NLGN1: variants seen among roughly 807,000 people sequenced by gnomAD.
The protein encoded by NLGN1 is neuroligin 1, also known as neuroligin-1.
NLGN1 carries 12 observed loss-of-function variants against 65.5 expected under a neutral mutation model. The ratio of observed to expected loss-of-function variants is 0.18; its 90% confidence interval spans 0.12 to 0.30. The LOEUF is 0.30. NLGN1 is among the 10% of genes least tolerant of loss of function. The probability of loss-of-function intolerance (pLI) is 1.00; values close to 1 mark genes in which losing one functional copy is unlikely to be tolerated. For synonymous variants in NLGN1, 350 were observed against 359.5 expected (o/e 0.97, Z 0.30); for missense variants, 750 against 1,007.1 (o/e 0.74, Z 3.46).
At chr3:173,562,437 C>T (rs777078090) in intron 2 of NLGN1, among the ~76,000 whole-genome samples, 13 of 151,784 alleles carry the variant, frequency 8.6e-5, no homozygotes, top group Non-Finnish European at 1.3e-4. Flanking sequence ...TATGGTGGTG[C>T]GCACCTGTAG....
chr3:173,466,428 G>A (rs1270226865), intron 2 of NLGN1, among the ~76,000 whole-genome samples: 1 of 152,144 alleles, frequency 6.6e-6, no homozygotes, highest in African/African-American at 2.4e-5. Context: ...TTCCTGTACT[G>A]TAGCCAATTT....
At chr3:173,914,119 C>G (rs756724296) in intron 4 of NLGN1, among the ~76,000 whole-genome samples, 1 of 152,152 alleles carries the variant, frequency 6.6e-6, no homozygotes. Flanking sequence ...GGCTGTGGTT[C>G]TGCCTCCCTA....
intron 4 of NLGN1, among the ~76,000 whole-genome samples, chr3:174,164,000 A>G (rs6445146): frequency 0.16 from 23,641 of 151,996 alleles, 3,586 homozygotes; most frequent in African/African-American, 0.4. Flanking sequence ...GTTCTTTAGA[A>G]ATCTCCAATC....
At position 174,279,604 on chromosome 3, in the gene NLGN1, C is replaced by T. The variant is rs1561465703; in HGVS notation, c.1603C>T (p.Leu535=). The change falls in exon 6 of 7, where the codon CTG becomes TTG. Residue 535 remains leucine, a synonymous_variant. Transcript: ENST00000457714. This position sits in a 1 kb window ranked among gnomAD's most constrained non-coding sequence, Gnocchi z 4.7. ...CAATTTCTCCAAAAATGATGTGATG[C>T]TGAGTGCAGTTGTAATGACATACTG... The T allele has an allele frequency of 6.2e-7, 1 of 1,612,912 alleles. No homozygotes were observed. Among genetic ancestry groups the T allele is most frequent in the East Asian group, 2.2e-5 (1 of 44,828 alleles).
At chr3:174,029,078 C>T (rs1441825729) in intron 4 of NLGN1, among the ~76,000 whole-genome samples, 1 of 152,200 alleles carries the variant, frequency 6.6e-6, no homozygotes, top group Non-Finnish European at 1.5e-5. Context: ...GGGGTTAGAG[C>T]CCCCATACAG....
chr3:174,214,519 T>C (rs748815120), intron 4 of NLGN1, among the ~76,000 whole-genome samples: 1 of 152,222 alleles, frequency 6.6e-6, no homozygotes. Flanking sequence ...CCTTTAAGAA[T>C]GGACCCATAT....
Position 173,746,528 on chromosome 3 carries a change from T to TCTACACTAGCTGATTCTGA in NLGN1, c.494-61149_494-61148insCACTAGCTGATTCTGACTA, listed in dbSNP as rs569933906. 6.6e-3 allele frequency among the ~76,000 whole-genome samples: 999 copies of TCTACACTAGCTGATTCTGA among 151,706 alleles called. 11 individuals carry two copies. The highest frequency in any genetic ancestry group is 0.021 in the African/African-American group (851 of 41,130). Reference sequence around the variant, plus strand: ...GTATCAGGACTTCCTTGCTGTTTCCTCTAATGAGTCAGAATTCGAGTCTGA... The same window carrying TCTACACTAGCTGATTCTGA: ...GTATCAGGACTTCCTTGCTGTTTCCTCTACACTAGCTGATTCTGACTAATGAGTCAGAATTCGAGTCTGA... On this transcript the variant is annotated intron_variant, in intron 3 of 6. Coordinates refer to ENST00000457714, the Ensembl canonical transcript of NLGN1.
At chr3:174,102,552 A>G (rs1479251253) in intron 4 of NLGN1, among the ~76,000 whole-genome samples, 1 of 152,192 alleles carries the variant, frequency 6.6e-6, no homozygotes, top group South Asian at 2.1e-4. Context: ...TGAGAGCCGT[A>G]TTCAAATGCT....
intron 3 of NLGN1, among the ~76,000 whole-genome samples, chr3:173,687,380 A>G (rs1371692154): frequency 6.6e-6 from 1 of 152,230 alleles, no homozygotes; most frequent in Non-Finnish European, 1.5e-5. Context: ...CTTCACTAGA[A>G]GATGGATAAA....
intron 2 of NLGN1, among the ~76,000 whole-genome samples, chr3:173,578,813 A>G (rs1745944451): frequency 6.6e-6 from 1 of 152,208 alleles, no homozygotes; most frequent in African/African-American, 2.4e-5. Context: ...GGGTCAGCGT[A>G]AATACTGCCT....
chr3:174,034,553 T>C (rs1224988174), intron 4 of NLGN1, among the ~76,000 whole-genome samples: 2 of 152,068 alleles, frequency 1.3e-5, no homozygotes, highest in African/African-American at 2.4e-5. Flanking sequence ...GAAGGAGGAA[T>C]TGGGAATACT....
intron 2 of NLGN1, among the ~76,000 whole-genome samples, chr3:173,472,683 A>G (rs1725499371): frequency 6.6e-6 from 1 of 152,094 alleles, no homozygotes; most frequent in Non-Finnish European, 1.5e-5. Flanking sequence ...ATTACTAACA[A>G]AGGAATATTA....
At chr3:173,432,295 A>C (rs1236532643) in intron 1 of NLGN1, among the ~76,000 whole-genome samples, 1 of 152,242 alleles carries the variant, frequency 6.6e-6, no homozygotes, top group East Asian at 1.9e-4. Context: ...TTCTGTAAGA[A>C]ATTACAAAAC....
intron 3 of NLGN1, among the ~76,000 whole-genome samples, chr3:173,754,747 G>A (rs1211904232): frequency 6.6e-6 from 1 of 152,070 alleles, no homozygotes; most frequent in Admixed American, 6.6e-5. Context: ...AGATAGTACT[G>A]AATCTTCTTA....
At chr3:173,532,268 T>A (rs1222877937) in intron 2 of NLGN1, among the ~76,000 whole-genome samples, 1 of 152,176 alleles carries the variant, frequency 6.6e-6, no homozygotes, top group Non-Finnish European at 1.5e-5. Context: ...TGCCATCTCT[T>A]TGAGATACAT....
At chr3:174,269,698 A>G (rs1174999734) in intron 4 of NLGN1, among the ~76,000 whole-genome samples, 1 of 151,946 alleles carries the variant, frequency 6.6e-6, no homozygotes, top group Non-Finnish European at 1.5e-5. Flanking sequence ...TCTTTTGTAT[A>G]TATACCCAGA....
At chr3:173,643,427 T>C (rs1757719065) in intron 3 of NLGN1, among the ~76,000 whole-genome samples, 1 of 152,142 alleles carries the variant, frequency 6.6e-6, no homozygotes, top group South Asian at 2.1e-4. Flanking sequence ...AAAAATCATC[T>C]GAGAAGGAAA....
intron 4 of NLGN1, among the ~76,000 whole-genome samples, chr3:173,863,942 C>T (rs920734120): frequency 2.0e-5 from 3 of 152,182 alleles, no homozygotes; most frequent in Non-Finnish European, 4.4e-5. Flanking sequence ...ACGCCTCCTT[C>T]AGATCCCAAG....
chr3:173,397,215 T>G (rs11924323), upstream of NLGN1, among the ~76,000 whole-genome samples: 2,774 of 152,268 alleles, frequency 0.018, 90 homozygotes, highest in African/African-American at 0.063. Context: ...GAGATTCGCC[T>G]TCCGTTTCTG....
Sources: allele counts gnomAD v4.1 joint callset (sites outside exome capture counted in the v4.1 genomes callset), GRCh38; gene constraint gnomAD v4.1.1; non-coding constraint Gnocchi (gnomAD v3.1); transcripts MANE v1.5; gene names NCBI Gene and HGNC (gene_info 2026-07-23, HGNC 2026-07-21).